The following PLD5 variants were observed in gnomAD, a reference collection of about 807,000 sequenced individuals.
PLD5 encodes phospholipase D family member 5.
In PLD5, 36 loss-of-function variants were observed where a neutral mutation model predicts 61.1. That is an observed-to-expected ratio of 0.59 (90% CI 0.45 to 0.78). The LOEUF (loss-of-function observed/expected upper bound fraction) is 0.78. PLD5 is among the 30% of genes least tolerant of loss of function. PLD5 has a pLI of 0.00. For missense variants in PLD5, 515 were observed against 644.4 expected, an observed-to-expected ratio of 0.80 and a Z score of 2.17; for synonymous variants, 243 against 242.8, an observed-to-expected ratio of 1.00 and a Z score of -0.01.
Position 242,084,373 on chromosome 1 carries a change from T to C in PLD5, c.*5481A>G, listed in dbSNP as rs1410641693. 6.6e-6 allele frequency: 1 copy of C among 152,156 alleles called. No individual in the cohort carries two copies. The highest frequency in any genetic ancestry group is 2.4e-5 in the African/African-American group (1 of 41,428). The allele number at this position is 152,156 out of a possible 1,614,324, so 9.4% of individuals were successfully genotyped here. A position where few individuals can be genotyped will look rare whatever the true frequency, so the allele number is the denominator to read the frequency against. ...CACCCACCTTATTACATGCTGTGCA[T>C]ATCCTTTCAGAGATAAGACTGCCTC... On this transcript the variant is annotated 3_prime_UTR_variant, in exon 10 of 10. Coordinates refer to ENST00000536534, the MANE Select transcript of PLD5 (RefSeq NM_001372062.1).
At chr1:242,218,741 A>G (rs1391723668) in intron 5 of PLD5, among the ~76,000 whole-genome samples, 1 of 152,214 alleles carries the variant, frequency 6.6e-6, no homozygotes, top group African/African-American at 2.4e-5. Flanking sequence ...TGAGGTGTTT[A>G]GAGCTATATG....
chr1:242,445,776 T>TC (rs1056222292), intron 1 of PLD5, among the ~76,000 whole-genome samples: 2 of 151,726 alleles, frequency 1.3e-5, no homozygotes, highest in African/African-American at 4.8e-5. Flanking sequence ...TTTTTTTTTT[T>TC]TCAAGCTGCT....
intron 1 of PLD5, among the ~76,000 whole-genome samples, chr1:242,398,582 T>C (rs1663738369): frequency 6.6e-6 from 1 of 152,234 alleles, no homozygotes; most frequent in Non-Finnish European, 1.5e-5. Flanking sequence ...TAATCATAGA[T>C]ACCACGGTTT....
At chr1:242,239,987 G>A (rs1671893370) in intron 4 of PLD5, among the ~76,000 whole-genome samples, 1 of 152,212 alleles carries the variant, frequency 6.6e-6, no homozygotes, top group African/African-American at 2.4e-5. Flanking sequence ...GCTACAGAAA[G>A]GGATGCAGAA....
intron 7 of PLD5, among the ~76,000 whole-genome samples, chr1:242,110,162 G>T (rs1465820843): frequency 6.6e-6 from 1 of 151,386 alleles, no homozygotes; most frequent in Non-Finnish European, 1.5e-5. Flanking sequence ...GCAGGCTACA[G>T]TTTCAAATAG....
At chr1:242,091,216 G>A (rs147517199) in intron 9 of PLD5, among the ~76,000 whole-genome samples, 161 of 152,266 alleles carry the variant, frequency 1.1e-3, no homozygotes, top group African/African-American at 3.7e-3. Flanking sequence ...TCTCAATAGA[G>A]TTACATTCTG....
At chr1:242,164,326 G>C (rs1666139315) in intron 5 of PLD5, among the ~76,000 whole-genome samples, 1 of 151,816 alleles carries the variant, frequency 6.6e-6, no homozygotes, top group African/African-American at 2.4e-5. Context: ...TATGTGAAAA[G>C]TATCTATGCT....
Position 242,395,061 on chromosome 1 carries a change from G to GAA in PLD5, c.190-46820_190-46819insTT, listed in dbSNP as rs1255407832. ...TGTATATGTATATATGAATATATAT[G>GAA]TATATATATGAATATATATGTATAT... On this transcript the variant is annotated intron_variant, in intron 1 of 9. Transcript: ENST00000536534. 2.4e-5 allele frequency among the ~76,000 whole-genome samples: 2 copies of GAA among 84,952 alleles called. 1 individual carries two copies. The highest frequency in any genetic ancestry group is 7.8e-5 in the African/African-American group (2 of 25,580). 55.7% of individuals were successfully genotyped at this position (84,952 alleles called of 152,430 possible). A position where few individuals can be genotyped will look rare whatever the true frequency, so the allele number is the denominator to read the frequency against.
intron 2 of PLD5, among the ~76,000 whole-genome samples, chr1:242,346,103 C>G (rs1660121400): frequency 7.2e-6 from 1 of 138,540 alleles, no homozygotes; most frequent in Admixed American, 7.4e-5. Flanking sequence ...TGAGTCCAAC[C>G]ACCCAAAGGA....
At chr1:242,118,781 C>T (rs554659570) in intron 6 of PLD5, among the ~76,000 whole-genome samples, 1 of 152,204 alleles carries the variant, frequency 6.6e-6, no homozygotes, top group African/African-American at 2.4e-5. Flanking sequence ...AGTCCCCTTG[C>T]ACCTGGGGGC....
chr1:242,437,248 G>A (rs12039457), intron 1 of PLD5, among the ~76,000 whole-genome samples: 10,741 of 152,164 alleles, frequency 0.071, 454 homozygotes, highest in East Asian at 0.11. Flanking sequence ...GAGGTGGATC[G>A]GTATTATATT....
chr1:242,463,963 C>T (rs1222703100), intron 1 of PLD5, among the ~76,000 whole-genome samples: 4 of 152,102 alleles, frequency 2.6e-5, no homozygotes, highest in Non-Finnish European at 2.9e-5. Context: ...TCAGTTATAC[C>T]GAGTACCTCC....
chr1:242,345,592 T>G (rs1289980399), intron 2 of PLD5: 2 of 1,404,324 alleles, frequency 1.4e-6, no homozygotes, highest in Admixed American at 3.4e-5. Context: ...AAACGTTGCA[T>G]CCACCTGGAG....
chr1:242,239,358 T>C lies in PLD5; in HGVS notation c.608-19243A>G, dbSNP rs546302447. 2.4e-4 allele frequency among the ~76,000 whole-genome samples: 37 copies of C among 152,312 alleles called. 1 individual carries two copies. The highest frequency in any genetic ancestry group is 3.4e-3 in the Middle Eastern group (1 of 294). On this transcript the variant is annotated intron_variant, in intron 4 of 9. Transcript: ENST00000536534. Reference sequence around the variant, plus strand: ...TTCTAAAAAGAGAAAGCTTATGTTGTATTGACTTGTACTTGGTTCACTTTT... The same window carrying C: ...TTCTAAAAAGAGAAAGCTTATGTTGCATTGACTTGTACTTGGTTCACTTTT...
intron 1 of PLD5, among the ~76,000 whole-genome samples, chr1:242,389,671 G>T (rs1662808195): frequency 6.6e-6 from 1 of 151,922 alleles, no homozygotes; most frequent in African/African-American, 2.4e-5. Context: ...AATATAAAAT[G>T]ATATAAGAAA....
At chr1:242,376,872 T>C (rs1419909956) in intron 1 of PLD5, 1 of 1,524,692 alleles carries the variant, frequency 6.6e-7, no homozygotes, top group Non-Finnish European at 8.8e-7. Flanking sequence ...AACAAAAATG[T>C]CTTTTTTATT....
upstream of PLD5, among the ~76,000 whole-genome samples, chr1:242,527,842 G>A (rs1669481916): frequency 6.6e-6 from 1 of 152,204 alleles, no homozygotes; most frequent in African/African-American, 2.4e-5. Flanking sequence ...TTACTGAAAT[G>A]TATAATTACT....
At chr1:242,311,910 CT>C (rs2149174676) in intron 2 of PLD5, among the ~76,000 whole-genome samples, 1 of 53,528 alleles carries the variant, frequency 1.9e-5, no homozygotes, top group South Asian at 9.1e-4. Flanking sequence ...ATTCTCTTTT[CT>C]TTTTATTCCT....
chr1:242,494,983 TTATC>T (rs1175825842), intron 1 of PLD5, among the ~76,000 whole-genome samples: 1 of 151,628 alleles, frequency 6.6e-6, no homozygotes, highest in African/African-American at 2.4e-5. Context: ...GCCTGTATGG[TTATC>T]TAAGTGACCA....
Sources: allele counts gnomAD v4.1 joint callset (sites outside exome capture counted in the v4.1 genomes callset), GRCh38; gene constraint gnomAD v4.1.1; transcripts MANE v1.5; gene names NCBI Gene and HGNC (gene_info 2026-07-23, HGNC 2026-07-21).